PPP3CC: variants seen among roughly 807,000 people sequenced by gnomAD.
PPP3CC encodes serine/threonine-protein phosphatase 2B catalytic subunit gamma isoform.
PPP3CC carries 35 observed loss-of-function variants against 60.3 expected under a neutral mutation model. The ratio of observed to expected loss-of-function variants is 0.58; its 90% CI spans 0.44 to 0.77. PPP3CC has a LOEUF of 0.77. PPP3CC is among the 30% of genes least tolerant of loss of function. PPP3CC has a pLI of 0.00. For missense variants in PPP3CC, 570 were observed against 628.9 expected (o/e 0.91, Z 1.00); for synonymous variants, 206 against 224.3 (o/e 0.92, Z 0.73).
chr8:22,526,414 C>T (rs561377662), intron 8 of PPP3CC, among the ~76,000 whole-genome samples: 19 of 152,198 alleles, frequency 1.2e-4, no homozygotes, highest in South Asian at 1.0e-3. Flanking sequence ...AATACATACA[C>T]GTGAAAATAA....
intron 12 of PPP3CC, among the ~76,000 whole-genome samples, chr8:22,535,902 T>A (rs895997589): frequency 1.3e-5 from 2 of 152,194 alleles, no homozygotes; most frequent in Non-Finnish European, 2.9e-5. Context: ...CGGATAATTT[T>A]TTATATTTTA....
At chr8:22,459,607 T>C (rs1383466514) in intron 1 of PPP3CC, among the ~76,000 whole-genome samples, 1 of 152,198 alleles carries the variant, frequency 6.6e-6, no homozygotes, top group African/African-American at 2.4e-5. Context: ...ACTTAAACTT[T>C]AGTGACCTCT....
chr8:22,462,295 C>G (rs1054374749), intron 1 of PPP3CC, among the ~76,000 whole-genome samples: 4 of 152,132 alleles, frequency 2.6e-5, no homozygotes, highest in African/African-American at 9.7e-5. Flanking sequence ...ATGCACAGTA[C>G]ATTGCGGTTT....
intron 3 of PPP3CC, among the ~76,000 whole-genome samples, chr8:22,476,114 T>C (rs1297400678): frequency 6.6e-6 from 1 of 152,206 alleles, no homozygotes; most frequent in Non-Finnish European, 1.5e-5. Flanking sequence ...AAAAATGAGT[T>C]GTAGTTAATT....
intron 3 of PPP3CC, among the ~76,000 whole-genome samples, chr8:22,482,924 A>C (rs1189577818): frequency 1.3e-5 from 2 of 152,176 alleles, no homozygotes; most frequent in Non-Finnish European, 2.9e-5. Flanking sequence ...TAGGAGAAAA[A>C]AAGTTATAGG....
intron 1 of PPP3CC, among the ~76,000 whole-genome samples, chr8:22,469,033 A>G (rs1451361467): frequency 6.6e-6 from 1 of 152,202 alleles, no homozygotes; most frequent in African/African-American, 2.4e-5. Flanking sequence ...AAATAAATCA[A>G]CATGTTTATT....
intron 1 of PPP3CC, among the ~76,000 whole-genome samples, chr8:22,446,595 GGGT>G (rs960472127): frequency 3.9e-5 from 6 of 152,004 alleles, no homozygotes; most frequent in African/African-American, 1.4e-4. Flanking sequence ...AAGCCGAGGT[GGGT>G]GGATCACCTG....
intron 4 of PPP3CC, among the ~76,000 whole-genome samples, chr8:22,498,472 T>C (rs1363582472): frequency 2.6e-5 from 4 of 152,094 alleles, no homozygotes; most frequent in Non-Finnish European, 5.9e-5. Context: ...AAAGTGTCCA[T>C]AATCATGCCA....
At chr8:22,484,794 T>C (rs1006300981) in intron 3 of PPP3CC, among the ~76,000 whole-genome samples, 5 of 152,228 alleles carry the variant, frequency 3.3e-5, no homozygotes, top group African/African-American at 1.2e-4. Flanking sequence ...TTTTCTTTAA[T>C]ATCTGCTGGT....
At chr8:22,531,440 C>A in intron 10 of PPP3CC, 1 of 1,098,004 alleles carries the variant, frequency 9.1e-7, no homozygotes, top group Non-Finnish European at 1.3e-6. Context: ...TCTCCATCCG[C>A]CCCTTCAGTT....
chr8:22,494,333 A>G (rs1838498305), intron 3 of PPP3CC, among the ~76,000 whole-genome samples: 1 of 152,194 alleles, frequency 6.6e-6, no homozygotes, highest in Non-Finnish European at 1.5e-5. Flanking sequence ...TGATAAACCC[A>G]TCAGATCTCA....
intron 3 of PPP3CC, among the ~76,000 whole-genome samples, chr8:22,496,590 C>G (rs1196334082): frequency 1.4e-5 from 2 of 146,592 alleles, no homozygotes; most frequent in African/African-American, 5.1e-5. Context: ...CTCTGCCTCC[C>G]AGGTTCCAGT....
At chr8:22,482,102 T>C (rs554286848) in intron 3 of PPP3CC, among the ~76,000 whole-genome samples, 1 of 152,326 alleles carries the variant, frequency 6.6e-6, no homozygotes, top group African/African-American at 2.4e-5. Flanking sequence ...CCTTGAGGAA[T>C]CACCCCACTG....
At chr8:22,466,178 A>G (rs1260399347) in intron 1 of PPP3CC, among the ~76,000 whole-genome samples, 1 of 150,886 alleles carries the variant, frequency 6.6e-6, no homozygotes, top group East Asian at 2.0e-4. Context: ...CATCCTTTTT[A>G]TGGCTGCATA....
chr8:22,519,456 T>C lies in PPP3CC; in HGVS notation c.771-3035T>C, dbSNP rs181255864. On this transcript the variant is annotated intron_variant, in intron 6 of 13. Coordinates refer to ENST00000240139, the MANE Select transcript of PPP3CC (RefSeq NM_005605.5). ...TATTCCTCTCTTTTTCTCTTTGTGA[T>C]TTGATTTTTATTTTTGTAGTGGGGT... 9.8e-5 allele frequency among the ~76,000 whole-genome samples: 15 copies of C among 152,306 alleles called. No individual in the cohort carries two copies. In the East Asian group the frequency reaches 2.9e-3, roughly 29 times the overall value.
At chr8:22,540,138 T>C (rs1839927089) in intron 13 of PPP3CC, among the ~76,000 whole-genome samples, 1 of 152,240 alleles carries the variant, frequency 6.6e-6, no homozygotes, top group African/African-American at 2.4e-5. Flanking sequence ...TTGTGCAAGA[T>C]AGAAAGCTGT....
In PPP3CC at chr8:22,540,620, A is replaced by C. The variant is rs550192301; in HGVS notation, c.1357A>C (p.Arg453=). The C allele has an allele frequency of 1.9e-6, 3 of 1,612,752 alleles. No homozygotes were observed. Among genetic ancestry groups the C allele is most frequent in the Middle Eastern group, 1.8e-4 (1 of 5,568 alleles). Reference sequence around the variant, plus strand: ...TGCTTCCTGTTTTTCTGTAGCCATCAGAGGGTTCTCGCTTCAGCACAAGAT... The same window carrying C: ...TGCTTCCTGTTTTTCTGTAGCCATCCGAGGGTTCTCGCTTCAGCACAAGAT... ...VEAVEAREAI[R]GFSLQHKIRS... is the part of the protein sequence containing the mutation. The change falls in exon 14 of 14, where the codon AGA becomes CGA. Residue 453 remains arginine, a synonymous_variant. Transcript: ENST00000240139.
At chr8:22,525,246 A>G (rs1839508087) in intron 8 of PPP3CC, among the ~76,000 whole-genome samples, 1 of 152,096 alleles carries the variant, frequency 6.6e-6, no homozygotes, top group Admixed American at 6.5e-5. Flanking sequence ...AAACAGTCTT[A>G]TTTTCATTGG....
At chr8:22,458,120 A>G (rs1434950876) in intron 1 of PPP3CC, among the ~76,000 whole-genome samples, 1 of 152,084 alleles carries the variant, frequency 6.6e-6, no homozygotes, top group Admixed American at 6.6e-5. Flanking sequence ...CAAAAAAAAC[A>G]CACAAAAACA....
Sources: allele counts gnomAD v4.1 joint callset (sites outside exome capture counted in the v4.1 genomes callset), GRCh38; gene constraint gnomAD v4.1.1; transcripts MANE v1.5; gene names NCBI Gene and HGNC (gene_info 2026-07-23, HGNC 2026-07-21).